GRB14: variants seen among roughly 807,000 people sequenced by gnomAD.
GRB14 encodes the protein growth factor receptor bound protein 14, also known as growth factor receptor-bound protein 14.
GRB14 carries 38 observed loss-of-function variants against 69.1 expected under a neutral mutation model. That is an observed-to-expected ratio of 0.55 (90% confidence interval 0.42 to 0.72). The LOEUF (loss-of-function observed/expected upper bound fraction) is 0.72. Ranked by LOEUF, GRB14 falls within the 30% of genes least tolerant of loss-of-function variation. The pLI is 0.00. For missense variants in GRB14, 666 were observed against 666.1 expected (o/e 1.00, Z 0.00); for synonymous variants, 247 against 241.3 (o/e 1.02, Z -0.22).
intron 13 of GRB14, among the ~76,000 whole-genome samples, chr2:164,494,054 A>G (rs1686829301): frequency 6.6e-6 from 1 of 152,182 alleles, no homozygotes; most frequent in Non-Finnish European, 1.5e-5. Context: ...ACAAAACAAA[A>G]AAAACATTTT....
At chr2:164,504,864 C>A (rs896796504) in intron 8 of GRB14, among the ~76,000 whole-genome samples, 2 of 152,094 alleles carry the variant, frequency 1.3e-5, no homozygotes, top group Admixed American at 1.3e-4. Flanking sequence ...CACAAGGGGC[C>A]TTAATAAGTG....
intron 2 of GRB14, among the ~76,000 whole-genome samples, chr2:164,584,269 T>G (rs954187301): frequency 3.5e-4 from 52 of 148,272 alleles, no homozygotes; most frequent in Non-Finnish European, 7.0e-4. Flanking sequence ...CCTCCCAAAG[T>G]GCTAGGATTA....
chr2:164,566,941 T>C (rs967516356), intron 2 of GRB14, among the ~76,000 whole-genome samples: 2 of 152,014 alleles, frequency 1.3e-5, no homozygotes, highest in South Asian at 2.1e-4. Context: ...ACATTTTCCA[T>C]CATACCAACA....
At position 164,494,484 on chromosome 2, in the gene GRB14, A is replaced by G; in HGVS notation, c.1423T>C (p.Phe475Leu). 1.2e-6 allele frequency: 2 copies of G among 1,604,226 alleles called. No homozygotes were observed. The highest frequency in any genetic ancestry group is 2.2e-5 in the South Asian group (2 of 90,888). Residue 475 changes from phenylalanine (F) to leucine (L), a missense_variant, in exon 13 of 14, where the codon TTC becomes CTC. Physicochemically the swap from Phe to Leu is conservative, Grantham distance 22. Transcript: ENST00000263915. ...VRDSQSNPKTFVLSMSHGQKI... is the reference protein window; with the variant it reads ...VRDSQSNPKTLVLSMSHGQKI... ...TGTCCATGACTCATTGACAGTACGAAAGTTTTGGGGTTACTCTGACTATCC... is the reference window on the plus strand; with the variant it reads ...TGTCCATGACTCATTGACAGTACGAGAGTTTTGGGGTTACTCTGACTATCC...
At chr2:164,578,596 T>C (rs1689314032) in intron 2 of GRB14, among the ~76,000 whole-genome samples, 1 of 150,320 alleles carries the variant, frequency 6.7e-6, no homozygotes, top group African/African-American at 2.4e-5. Context: ...ATCTCATCAG[T>C]GATACGAGAA....
Position 164,493,649 on chromosome 2 carries a change from T to C in GRB14, c.1477-467A>G, listed in dbSNP as rs374456750. ...GAATGTCATTCTGTCAGTTTTCTTT[T>C]TTTTAAATCAGTGAAGTCTTCTGGT... On this transcript the variant is annotated intron_variant, in intron 13 of 13. Coordinates refer to ENST00000263915, the MANE Select transcript of GRB14 (RefSeq NM_004490.3). 2.0e-5 allele frequency among the ~76,000 whole-genome samples: 3 copies of C among 152,318 alleles called. No homozygotes were observed. In the East Asian group the frequency reaches 5.8e-4, roughly 29 times the overall value.
chr2:164,502,532 T>C (rs4667464), intron 8 of GRB14, among the ~76,000 whole-genome samples, 197 bp from the exon 9 acceptor site: 17,513 of 152,142 alleles, frequency 0.12, 1,104 homozygotes, highest in Middle Eastern at 0.16. Flanking sequence ...AGTCTTTTAC[T>C]TAGACCTACA....
chr2:164,617,951 CT>C lies in GRB14; in HGVS notation c.324+1735del, dbSNP rs11438490. Among the ~76,000 whole-genome samples the C allele has an allele frequency of 2.8e-4, 16 of 56,292 alleles. 1 individual carries two copies. The South Asian group carries it at 5.7e-3, about 20-fold the overall frequency. The allele number at this position is 56,292 out of a possible 152,430, so 36.9% of individuals were successfully genotyped here. ...CTCTGGCTCAAGGACAAGCCAGAAT[CT>C]TTTTTTTGGGGGGGGGGGGGTAGTG... is the stretch of plus-strand genomic sequence containing the variant. On this transcript the variant is annotated intron_variant, in intron 2 of 13. Transcript: ENST00000263915.
In GRB14 at chr2:164,525,084, A is replaced by G. The variant is rs762847207; in HGVS notation, c.604-6T>C. 6 of 1,533,046 alleles carry G rather than the reference A, an allele frequency of 3.9e-6. No individual in the cohort carries two copies. In the East Asian group the frequency reaches 1.4e-4, roughly 35 times the overall value. The allele number at this position is 1,533,046 out of a possible 1,614,324, so 95.0% of individuals were successfully genotyped here. A position where few individuals can be genotyped will look rare whatever the true frequency, so the allele number is the denominator to read the frequency against. On this transcript the variant is annotated splice_polypyrimidine_tract_variant and splice_region_variant and intron_variant, in intron 4 of 13. Transcript: ENST00000263915. ...ATATGCTCTGGAAAAAAATACTGTC[A>G]AAAAGACACAGTTAAATTATCACAA...
At chr2:164,513,975 C>A (rs958719636) in intron 6 of GRB14, among the ~76,000 whole-genome samples, 1 of 152,170 alleles carries the variant, frequency 6.6e-6, no homozygotes, top group East Asian at 1.9e-4. Flanking sequence ...AGAAACCAGG[C>A]AGCACTGTAG....
At chr2:164,531,865 C>T (rs1687948838) in intron 3 of GRB14, among the ~76,000 whole-genome samples, 1 of 152,260 alleles carries the variant, frequency 6.6e-6, no homozygotes, top group Non-Finnish European at 1.5e-5. Context: ...ATACCCTGCC[C>T]TTAAATAGAA....
At chr2:164,591,619 G>C (rs1689665984) in intron 2 of GRB14, among the ~76,000 whole-genome samples, 1 of 152,052 alleles carries the variant, frequency 6.6e-6, no homozygotes, top group South Asian at 2.1e-4. Context: ...TTGGTCTGAG[G>C]GCCATTGGTT....
At chr2:164,496,264 A>G (rs948829298) in intron 12 of GRB14, among the ~76,000 whole-genome samples, 15 of 152,326 alleles carry the variant, frequency 9.8e-5, no homozygotes, top group African/African-American at 3.4e-4. Flanking sequence ...TTCATTACTC[A>G]TCTAAACCAC....
At chr2:164,538,586 A>G (rs572691398) in intron 3 of GRB14, among the ~76,000 whole-genome samples, 1 of 152,328 alleles carries the variant, frequency 6.6e-6, no homozygotes, top group African/African-American at 2.4e-5. Flanking sequence ...ACCATATAAT[A>G]ATATGATCCA....
At chr2:164,568,484 T>C (rs16849597) in intron 2 of GRB14, 118,067 of 1,142,098 alleles carry the variant, frequency 0.1, 7,000 homozygotes, top group East Asian at 0.33. Flanking sequence ...ATGAAACAAC[T>C]AGGAAAGTAA....
intron 6 of GRB14, among the ~76,000 whole-genome samples, chr2:164,510,539 G>A (rs1687313303): frequency 1.3e-5 from 2 of 152,266 alleles, no homozygotes; most frequent in South Asian, 4.1e-4. Flanking sequence ...AAAAGGATAG[G>A]AAATGGTTTC....
In GRB14 at chr2:164,547,796, T is replaced by G. The variant is rs762173199; in HGVS notation, c.345A>C (p.Glu115Asp). Residue 115 changes from glutamate (E) to aspartate (D), a missense_variant, in exon 3 of 14, where the codon GAA becomes GAC. By Grantham distance (45) the Glu-to-Asp change is conservative (BLOSUM62 2). Transcript: ENST00000263915. ...RKKQVIKVYS[E>D]DETSRALDVP... Reference sequence around the variant, plus strand: ...CATCTAAAGCCCTGCTGGTTTCATCTTCACTGTATACTTTAATCACCTGTG... The same window carrying G: ...CATCTAAAGCCCTGCTGGTTTCATCGTCACTGTATACTTTAATCACCTGTG... 6.2e-7 allele frequency: 1 copy of G among 1,612,974 alleles called. No homozygotes were observed. Among genetic ancestry groups the G allele is most frequent in the Non-Finnish European group, 8.5e-7 (1 of 1,179,268 alleles).
In GRB14 at chr2:164,621,076, T is replaced by G; in HGVS notation, c.191+43A>C. Reference sequence around the variant, plus strand: ...ACCGCCTCCTCACCCCCTCGCCGGCTGCCCAGCCAGGACACTCCCCCGCGC... The same window carrying G: ...ACCGCCTCCTCACCCCCTCGCCGGCGGCCCAGCCAGGACACTCCCCCGCGC... On this transcript the variant is annotated intron_variant, in intron 1 of 13. Coordinates refer to ENST00000263915, the MANE Select transcript of GRB14 (RefSeq NM_004490.3). This position sits in a 1 kb window ranked among gnomAD's most constrained non-coding sequence, Gnocchi z 6.0. 4.8e-6 allele frequency: 6 copies of G among 1,243,468 alleles called. No individual in the cohort carries two copies. The highest frequency in any genetic ancestry group is 6.1e-6 in the Non-Finnish European group (6 of 986,418). 77.0% of individuals were successfully genotyped at this position (1,243,468 alleles called of 1,614,324 possible). A position where few individuals can be genotyped will look rare whatever the true frequency, so the allele number is the denominator to read the frequency against.
chr2:164,584,530 AC>A (rs1689489724), intron 2 of GRB14, among the ~76,000 whole-genome samples: 1 of 152,040 alleles, frequency 6.6e-6, no homozygotes, highest in African/African-American at 2.4e-5. Flanking sequence ...CCTGAACAAA[AC>A]TAAAATATTT....
Sources: gnomAD v4.1 joint callset for allele counts (sites outside exome capture counted in the v4.1 genomes callset) on GRCh38, gnomAD v4.1.1 for gene constraint, Gnocchi (gnomAD v3.1) non-coding constraint, MANE v1.5 for transcripts, NCBI Gene and HGNC (gene_info 2026-07-23, HGNC 2026-07-21) for gene names.